Variants in NALCN observed in about 807,000 individuals in gnomAD.
NALCN encodes the protein sodium leak channel, non-selective.
Under a neutral mutation model 225.3 loss-of-function variants are expected in NALCN, and 111 were observed. The observed-to-expected ratio is 0.49, with a 90% confidence interval of 0.42 to 0.58. NALCN has a LOEUF of 0.58. Among genes scored for constraint, NALCN ranks in the 20% least tolerant of loss-of-function variants. The pLI is 0.00. For synonymous variants in NALCN, 764 were observed against 769.0 expected, an observed-to-expected ratio of 0.99 and a Z score of 0.11; for missense variants, 1,378 against 2,202.4, an observed-to-expected ratio of 0.63 and a Z score of 7.49.
In NALCN at chr13:101,090,097, C is replaced by T; in HGVS notation, c.3270-131G>A. The T allele has an allele frequency of 2.3e-6, 3 of 1,314,042 alleles. 1 individual carries two copies. Among genetic ancestry groups the T allele is most frequent in the African/African-American group, 2.9e-5 (2 of 68,004 alleles). 81.4% of individuals were successfully genotyped at this position (1,314,042 alleles called of 1,614,324 possible). The stretch of plus-strand genomic sequence containing the variant: ...GTGTATATACACACACATATATACA[C>T]ACACACGTGTGCGTGCACACACACA... On this transcript the variant is annotated intron_variant, in intron 28 of 43. Coordinates refer to ENST00000251127, the MANE Select transcript of NALCN (RefSeq NM_052867.4).
intron 30 of NALCN, among the ~76,000 whole-genome samples, chr13:101,088,576 T>C (rs1395594031): frequency 6.6e-6 from 1 of 152,226 alleles, no homozygotes; most frequent in African/African-American, 2.4e-5. Context: ...CAACCGTGCA[T>C]TTGAGAGTTG....
chr13:101,135,402 A>T (rs559912853), intron 17 of NALCN, among the ~76,000 whole-genome samples: 21 of 151,706 alleles, frequency 1.4e-4, no homozygotes, highest in Non-Finnish European at 2.1e-4. Context: ...AAATTCCAAA[A>T]TTTTTTTTTG....
At chr13:101,225,508 T>C (rs1476180308) in intron 13 of NALCN, among the ~76,000 whole-genome samples, 4 of 152,180 alleles carry the variant, frequency 2.6e-5, no homozygotes, top group Admixed American at 2.0e-4. Flanking sequence ...CTCCTTAACA[T>C]ACTTTAAAGT....
chr13:101,181,438 T>C (rs2139963027), intron 14 of NALCN: 2 of 442,648 alleles, frequency 4.5e-6, no homozygotes, highest in Non-Finnish European at 4.5e-6. Flanking sequence ...TTTTAATGCA[T>C]GTAATGCAGC....
At position 101,158,406 on chromosome 13, in the gene NALCN, A is replaced by G. The variant is rs2038007995; in HGVS notation, c.1840-13510T>C. 1.3e-5 allele frequency among the ~76,000 whole-genome samples: 2 copies of G among 152,098 alleles called. 1 individual carries two copies. The highest frequency in any genetic ancestry group is 4.1e-4 in the South Asian group (2 of 4,826). On this transcript the variant is annotated intron_variant, in intron 15 of 43. Transcript: ENST00000251127. ...TCTGCCTCCCCAACCTTCCTCTAAC[A>G]TCTGTCATGGGCACCGCTGAGCTCC...
chr13:101,143,098 G>A lies in NALCN; in HGVS notation c.2100C>T (p.Asn700=), dbSNP rs756205917. The change falls in exon 17 of 44, where the codon AAC becomes AAT. Residue 700 remains asparagine, a synonymous_variant. Coordinates refer to ENST00000251127, the MANE Select transcript of NALCN (RefSeq NM_052867.4). The part of the protein sequence containing the change: ...DHSKRSAIED[N]KYIDQKLRKS... ...ATCTTACTTTTTGGTCGATGTATTT[G>A]TTGTCCTCAATTGCTGAGCGTTTGG... 2 of 1,614,170 alleles carry A rather than the reference G, an allele frequency of 1.2e-6. No individual in the cohort carries two copies. Among genetic ancestry groups the A allele is most frequent in the Non-Finnish European group, 1.7e-6 (2 of 1,180,022 alleles).
chr13:101,305,450 T>C (rs1468101421), intron 7 of NALCN, among the ~76,000 whole-genome samples: 1 of 152,246 alleles, frequency 6.6e-6, no homozygotes, highest in Non-Finnish European at 1.5e-5. Context: ...ATCATCTACA[T>C]AGACATTTTA....
chr13:101,336,887 G>A (rs935524469), intron 7 of NALCN, among the ~76,000 whole-genome samples: 1 of 151,928 alleles, frequency 6.6e-6, no homozygotes, highest in African/African-American at 2.4e-5. Context: ...GCCTTATCAC[G>A]GCATTTTGAA....
intron 15 of NALCN, among the ~76,000 whole-genome samples, chr13:101,158,624 A>G (rs750642290): frequency 3.9e-5 from 6 of 152,236 alleles, no homozygotes; most frequent in Non-Finnish European, 8.8e-5. Flanking sequence ...CATCTGCACC[A>G]TTCTTCAGAA....
chr13:101,395,835 T>C (rs557904783), intron 2 of NALCN, among the ~76,000 whole-genome samples: 3 of 152,316 alleles, frequency 2.0e-5, no homozygotes, highest in East Asian at 3.9e-4. Flanking sequence ...ATATTTACCA[T>C]AACTTCCCTA....
In NALCN at chr13:101,058,074, C is replaced by A. The variant is rs1000727032; in HGVS notation, c.4906-18G>T. On this transcript the variant is annotated intron_variant, in intron 42 of 43. Coordinates refer to ENST00000251127, the MANE Select transcript of NALCN (RefSeq NM_052867.4). ...CTGCTTGTCTGCATGGGAGGAGAAG[C>A]ACACAGTTACCGTCTTTTTAACCCT... is the stretch of plus-strand genomic sequence containing the variant. The A allele has an allele frequency of 6.2e-7, 1 of 1,602,888 alleles. No individual in the cohort carries two copies.
chr13:101,328,318 T>G (rs540258203), intron 7 of NALCN, among the ~76,000 whole-genome samples: 3 of 152,160 alleles, frequency 2.0e-5, no homozygotes, highest in Non-Finnish European at 4.4e-5. Context: ...ACTGTATTTT[T>G]TTTTCTTTTT....
intron 7 of NALCN, among the ~76,000 whole-genome samples, chr13:101,293,107 C>T (rs2043611668): frequency 6.6e-6 from 1 of 152,236 alleles, no homozygotes; most frequent in Admixed American, 6.5e-5. Flanking sequence ...GAAACTAAAG[C>T]ATATAAAGAT....
chr13:101,383,131 A>G (rs750629902), intron 3 of NALCN, among the ~76,000 whole-genome samples: 1 of 152,156 alleles, frequency 6.6e-6, no homozygotes, highest in Non-Finnish European at 1.5e-5. Flanking sequence ...CATCTTCCCG[A>G]AAAATTCTGC....
At chr13:101,307,226 T>C (rs502804) in intron 7 of NALCN, among the ~76,000 whole-genome samples, 82,047 of 151,940 alleles carry the variant, frequency 0.54, 22,451 homozygotes, top group African/African-American at 0.62. Flanking sequence ...GCGATGGTGG[T>C]CTGGGCCCCA....
chr13:101,211,420 G>T (rs1446979529), intron 13 of NALCN, among the ~76,000 whole-genome samples: 1 of 151,918 alleles, frequency 6.6e-6, no homozygotes, highest in Admixed American at 6.6e-5. Context: ...GTGGACCAAT[G>T]ATATTAATAT....
chr13:101,132,347 G>C (rs1431223049), intron 17 of NALCN, among the ~76,000 whole-genome samples: 1 of 151,816 alleles, frequency 6.6e-6, no homozygotes, highest in Non-Finnish European at 1.5e-5. Flanking sequence ...GTTACATTTT[G>C]GTCAAATAAT....
intron 15 of NALCN, among the ~76,000 whole-genome samples, chr13:101,151,244 T>C (rs1471566297): frequency 2.0e-5 from 3 of 152,234 alleles, no homozygotes; most frequent in African/African-American, 7.2e-5. Flanking sequence ...CGACACATAC[T>C]GTGTTCTGCC....
intron 13 of NALCN, among the ~76,000 whole-genome samples, chr13:101,222,655 C>T (rs943982164): frequency 2.6e-5 from 4 of 152,146 alleles, no homozygotes; most frequent in Admixed American, 6.5e-5. Flanking sequence ...TGGGCACATC[C>T]GCCCAACAAG....
Sources: allele counts gnomAD v4.1 joint callset (sites outside exome capture counted in the v4.1 genomes callset), GRCh38; gene constraint gnomAD v4.1.1; transcripts MANE v1.5; gene names NCBI Gene and HGNC (gene_info 2026-07-23, HGNC 2026-07-21).